Variants in CFH observed in about 807,000 individuals in gnomAD.
CFH encodes H factor 1 (complement).
Under a neutral mutation model 147.3 loss-of-function variants are expected in CFH, and 53 were observed. That is an observed-to-expected ratio of 0.36 (90% confidence interval 0.29 to 0.45). The LOEUF (loss-of-function observed/expected upper bound fraction) is 0.45, where lower values mean the gene tolerates loss of function less well. Ranked by LOEUF, CFH falls within the 20% of genes least tolerant of loss-of-function variation. The probability of loss-of-function intolerance (pLI) is 1.00; values close to 1 mark genes in which losing one functional copy is unlikely to be tolerated. For missense variants in CFH, 1,380 were observed against 1,498.0 expected (o/e 0.92, Z 1.30); for synonymous variants, 536 against 489.4 (o/e 1.10, Z -1.26).
intron 6 of CFH, among the ~76,000 whole-genome samples, chr1:196,683,244 T>A (rs1462755428): frequency 6.6e-6 from 1 of 151,674 alleles, no homozygotes; most frequent in Non-Finnish European, 1.5e-5. Context: ...AAGTATGTAA[T>A]CAACAGAGTC....
intron 9 of CFH, among the ~76,000 whole-genome samples, chr1:196,707,869 G>C (rs756385172): frequency 6.6e-6 from 1 of 152,086 alleles, no homozygotes; most frequent in African/African-American, 2.4e-5. Context: ...ATATAAAAAG[G>C]TGAGATACCT....
intron 7 of CFH, among the ~76,000 whole-genome samples, chr1:196,689,149 T>C (rs7529589): frequency 0.63 from 95,710 of 151,956 alleles, 30,648 homozygotes; most frequent in East Asian, 0.95. Flanking sequence ...ATATATTAAA[T>C]AGGTCTGTGC....
intron 17 of CFH, 25 bp from the exon 18 acceptor site, chr1:196,740,594 C>A (rs765299724): frequency 1.9e-6 from 3 of 1,610,808 alleles, no homozygotes; most frequent in South Asian, 1.1e-5. Flanking sequence ...GTTAGTGAAA[C>A]CTGAATTCAT....
In CFH at chr1:196,743,642, T is replaced by C. The variant is rs781129161; in HGVS notation, c.3310+14T>C. 1.2e-6 allele frequency: 2 copies of C among 1,613,862 alleles called. No individual in the cohort carries two copies. The highest frequency in any genetic ancestry group is 1.7e-6 in the Non-Finnish European group (2 of 1,179,766). ...CTCAATGCAAAGGTAGAGTATTATA[T>C]TTCTTTTAACATTTTGGGGGAGTAT... On this transcript the variant is annotated intron_variant, in intron 20 of 21. Transcript: ENST00000367429.
chr1:196,725,316 A>G lies in CFH; in HGVS notation c.1873+19A>G, dbSNP rs753589152. Reference sequence around the variant, plus strand: ...TGTAAAGGTGAATGCTTATCTTACAATTGCTGAAATAAGAATTAGAACTTT... The same window carrying G: ...TGTAAAGGTGAATGCTTATCTTACAGTTGCTGAAATAAGAATTAGAACTTT... On this transcript the variant is annotated intron_variant, in intron 12 of 21. Coordinates refer to ENST00000367429, the MANE Select transcript of CFH (RefSeq NM_000186.4). 2 of 1,611,278 alleles carry G rather than the reference A, an allele frequency of 1.2e-6. No homozygotes were observed. Among genetic ancestry groups the G allele is most frequent in the East Asian group, 2.2e-5 (1 of 44,788 alleles).
chr1:196,686,394 T>C (rs919739864), intron 7 of CFH, among the ~76,000 whole-genome samples: 24 of 152,222 alleles, frequency 1.6e-4, no homozygotes, highest in African/African-American at 5.8e-4. Context: ...TTGGAGGTAA[T>C]TTCCAAAAAT....
chr1:196,665,945 C>A (rs1667068492), intron 1 of CFH, among the ~76,000 whole-genome samples: 2 of 152,268 alleles, frequency 1.3e-5, no homozygotes, highest in South Asian at 4.1e-4. Flanking sequence ...GAGTGAGTTT[C>A]AATTTGAGGT....
At position 196,685,095 on chromosome 1, in the gene CFH, T is replaced by C. The variant is rs756394847; in HGVS notation, c.822T>C (p.Asn274=). Residue 274 remains asparagine, a synonymous_variant, in exon 7 of 22, where the codon AAT becomes AAC. Transcript: ENST00000367429. The part of the protein sequence containing the change: ...EKSCDNPYIP[N]GDYSPLRIKH... ...CATGTGATAATCCTTATATTCCAAA[T>C]GGTGACTACTCACCTTTAAGGATTA... is the stretch of plus-strand genomic sequence containing the variant. The C allele has an allele frequency of 1.2e-5, 20 of 1,611,174 alleles. No individual in the cohort carries two copies. Among genetic ancestry groups the C allele is most frequent in the Non-Finnish European group, 1.7e-5 (20 of 1,177,626 alleles).
intron 10 of CFH, among the ~76,000 whole-genome samples, chr1:196,715,021 A>G (rs991052542): frequency 1.5e-4 from 23 of 151,950 alleles, no homozygotes; most frequent in Non-Finnish European, 2.6e-4. Context: ...ATTCATGTAT[A>G]CTGTTTTCAT....
chr1:196,733,564 T>C (rs1669330021), intron 15 of CFH, among the ~76,000 whole-genome samples: 2 of 152,254 alleles, frequency 1.3e-5, no homozygotes, highest in East Asian at 3.9e-4. Flanking sequence ...TGCACTGCTC[T>C]TGGGCAATGA....
intron 9 of CFH, chr1:196,701,655 G>A: frequency 3.0e-6 from 1 of 336,356 alleles, no homozygotes; most frequent in South Asian, 3.4e-5. Context: ...GCCAGGTCGA[G>A]GTCACTCTCT....
chr1:196,705,584 T>A (rs2019727), intron 9 of CFH, among the ~76,000 whole-genome samples: 35,818 of 152,086 alleles, frequency 0.24, 4,968 homozygotes, highest in African/African-American at 0.36. Context: ...GATTTGTTCA[T>A]ACATGAGAGA....
At chr1:196,677,433 CTT>C in intron 4 of CFH, 41 bp from the exon 5 acceptor site, 13 of 1,568,828 alleles carry the variant, frequency 8.3e-6, no homozygotes, top group Non-Finnish European at 1.1e-5. Context: ...TCACAATAAA[CTT>C]TTAAAATTCC....
chr1:196,736,930 A>G lies in CFH; in HGVS notation c.2520A>G (p.Gln840=), dbSNP rs370764629. 6.2e-7 allele frequency: 1 copy of G among 1,612,052 alleles called. No homozygotes were observed. Among genetic ancestry groups the G allele is most frequent in the Admixed American group, 1.7e-5 (1 of 59,902 alleles). ...GAGAAAAAGTATCTGTTCTTTGCCA[A>G]GAAAATTATCTAATTCAGGAAGGAG... The part of the protein sequence containing the change: ...RDGEKVSVLC[Q]ENYLIQEGEE... Residue 840 remains glutamine, a synonymous_variant, in exon 16 of 22, where the codon CAA becomes CAG. Coordinates refer to ENST00000367429, the MANE Select transcript of CFH (RefSeq NM_000186.4).
chr1:196,719,466 A>G (rs1032632154), intron 11 of CFH, among the ~76,000 whole-genome samples: 4 of 151,972 alleles, frequency 2.6e-5, no homozygotes, highest in African/African-American at 9.7e-5. Flanking sequence ...ACTCATTAAA[A>G]CAAACACAAA....
At chr1:196,661,705 G>A (rs892197732) in intron 1 of CFH, among the ~76,000 whole-genome samples, 1 of 152,090 alleles carries the variant, frequency 6.6e-6, no homozygotes, top group Non-Finnish European at 1.5e-5. Context: ...GTTGTGGGGA[G>A]GTTGCATGTA....
At chr1:196,728,729 A>ACACG (rs979954625) in intron 15 of CFH, among the ~76,000 whole-genome samples, 5 of 138,730 alleles carry the variant, frequency 3.6e-5, no homozygotes, top group African/African-American at 1.4e-4. Context: ...ACACACACAC[A>ACACG]CACGCACACA....
chr1:196,656,021 C>T (rs1666673235), intron 1 of CFH, among the ~76,000 whole-genome samples: 1 of 152,088 alleles, frequency 6.6e-6, no homozygotes, highest in African/African-American at 2.4e-5. Context: ...GATTATTCTT[C>T]CAGGCCGGGC....
At chr1:196,686,983 C>T (rs1373648727) in intron 7 of CFH, among the ~76,000 whole-genome samples, 1 of 152,024 alleles carries the variant, frequency 6.6e-6, no homozygotes, top group African/African-American at 2.4e-5. Flanking sequence ...AAGTGCAGTA[C>T]AAATTCACAA....
Sources: allele counts gnomAD v4.1 joint callset (sites outside exome capture counted in the v4.1 genomes callset), GRCh38; gene constraint gnomAD v4.1.1; transcripts MANE v1.5; gene names NCBI Gene and HGNC (gene_info 2026-07-23, HGNC 2026-07-21).